The following PCDH15 variants were observed in gnomAD, a reference collection of about 807,000 sequenced individuals.
The protein encoded by PCDH15 is protocadherin related 15.
A neutral mutation model predicts 178.5 loss-of-function variants in PCDH15; 129 were observed. The observed-to-expected ratio is 0.72, with a 90% confidence interval of 0.63 to 0.84. PCDH15 has a LOEUF of 0.84. Ranked by LOEUF, PCDH15 falls within the 40% of genes least tolerant of loss-of-function variation. PCDH15 has a pLI of 0.00. For synonymous variants in PCDH15, 800 were observed against 732.0 expected (o/e 1.09, Z -1.50); for missense variants, 2,230 against 2,099.9 (o/e 1.06, Z -1.21).
intron 3 of PCDH15, among the ~76,000 whole-genome samples, chr10:54,389,848 A>G (rs1589167492): frequency 6.6e-6 from 1 of 151,940 alleles, no homozygotes; most frequent in Non-Finnish European, 1.5e-5. Context: ...GCTACTTGGG[A>G]GGCTAAGGGA....
chr10:54,116,597 A>C (rs2095117482), intron 15 of PCDH15, among the ~76,000 whole-genome samples: 2 of 152,192 alleles, frequency 1.3e-5, no homozygotes, highest in South Asian at 4.1e-4. Context: ...GAATCAGTAG[A>C]ATTCAATCAG....
intron 18 of PCDH15, among the ~76,000 whole-genome samples, chr10:54,058,955 A>C (rs2093958521): frequency 6.6e-6 from 1 of 152,046 alleles, no homozygotes; most frequent in Non-Finnish European, 1.5e-5. Flanking sequence ...CGGCCTCCCA[A>C]AATGCTGGGA....
intron 3 of PCDH15, among the ~76,000 whole-genome samples, chr10:54,526,371 G>A (rs1015099279): frequency 2.2e-4 from 34 of 152,060 alleles, no homozygotes; most frequent in African/African-American, 8.2e-4. Context: ...GATAAACCTT[G>A]CATTATGTTT....
At chr10:54,274,839 A>C (rs967312772) in intron 8 of PCDH15, among the ~76,000 whole-genome samples, 3 of 152,012 alleles carry the variant, frequency 2.0e-5, no homozygotes, top group African/African-American at 2.4e-5. Flanking sequence ...TTAGCAAATA[A>C]AGAATAAATT....
At chr10:54,318,162 T>C (rs1181651851) in intron 7 of PCDH15, among the ~76,000 whole-genome samples, 3 of 152,200 alleles carry the variant, frequency 2.0e-5, no homozygotes, top group Non-Finnish European at 4.4e-5. Context: ...CTCTTTGAAA[T>C]GTAATAGTCA....
intron 8 of PCDH15, among the ~76,000 whole-genome samples, chr10:54,253,896 G>C (rs1226698146): frequency 6.6e-6 from 1 of 151,900 alleles, no homozygotes; most frequent in Admixed American, 6.6e-5. Context: ...GGAAGAAAAA[G>C]AGATGTTAAT....
chr10:54,606,759 C>T (rs746487095), intron 2 of PCDH15: 2 of 152,034 alleles, frequency 1.3e-5, no homozygotes, highest in Non-Finnish European at 2.9e-5. Context: ...TCAAGCTACA[C>T]TTGTTTGGAA....
intron 3 of PCDH15, among the ~76,000 whole-genome samples, chr10:54,807,537 T>C (rs1017682000): frequency 1.3e-5 from 2 of 151,790 alleles, no homozygotes; most frequent in Non-Finnish European, 2.9e-5. Context: ...AACTTTTTTT[T>C]TCTCTTTAGT....
At chr10:54,718,049 G>A (rs1167069865) in intron 1 of PCDH15, among the ~76,000 whole-genome samples, 1 of 149,682 alleles carries the variant, frequency 6.7e-6, no homozygotes, top group Non-Finnish European at 1.5e-5. Flanking sequence ...CTCATAGATG[G>A]GAATTGAACA....
In PCDH15 at chr10:54,274,498, C is replaced by T. The variant is rs118166071; in HGVS notation, c.877-37567G>A. On this transcript the variant is annotated intron_variant, in intron 8 of 37. Coordinates refer to ENST00000644397, the MANE Select transcript of PCDH15 (RefSeq NM_001384140.1). Reference sequence around the variant, plus strand: ...AAGGACTGTTGTTTGTTTTGTGCTCCCTGATGTATTTTCAGAGCCTAGAAC... The same window carrying T: ...AAGGACTGTTGTTTGTTTTGTGCTCTCTGATGTATTTTCAGAGCCTAGAAC... Among the ~76,000 whole-genome samples the T allele has an allele frequency of 3.6e-3, 547 of 151,808 alleles. 12 individuals carry two copies. In the East Asian group the frequency reaches 0.037, roughly 10 times the overall value.
At chr10:54,782,373 G>A (rs759286289) in intron 1 of PCDH15, among the ~76,000 whole-genome samples, 4 of 152,134 alleles carry the variant, frequency 2.6e-5, no homozygotes, top group Non-Finnish European at 5.9e-5. Flanking sequence ...TAATGCCTAT[G>A]TAAGTGTTGT....
chr10:54,904,663 G>A (rs939793193), intron 2 of PCDH15, among the ~76,000 whole-genome samples: 2 of 151,920 alleles, frequency 1.3e-5, no homozygotes, highest in African/African-American at 4.8e-5. Flanking sequence ...ACATTTAGGT[G>A]CCTTGAGGAA....
At chr10:54,611,261 T>C (rs573462536) in intron 2 of PCDH15, among the ~76,000 whole-genome samples, 1 of 151,908 alleles carries the variant, frequency 6.6e-6, no homozygotes, top group Admixed American at 6.6e-5. Context: ...AAGATATGTA[T>C]CAGTAATATT....
intron 11 of PCDH15, among the ~76,000 whole-genome samples, chr10:54,194,740 C>CTATATATATA (rs60365134): frequency 1.3e-5 from 2 of 150,986 alleles, no homozygotes; most frequent in Admixed American, 6.6e-5. Flanking sequence ...ATCTATCTAT[C>CTATATATATA]TATATATATA....
chr10:55,254,065 C>T (rs1427488018), intron 1 of PCDH15, among the ~76,000 whole-genome samples: 7 of 152,084 alleles, frequency 4.6e-5, no homozygotes, highest in African/African-American at 1.7e-4. Flanking sequence ...TTGATTGTTA[C>T]TGGTAGAAGG....
At chr10:55,309,522 T>A (rs3998305) in intron 1 of PCDH15, among the ~76,000 whole-genome samples, 30,178 of 144,210 alleles carry the variant, frequency 0.21, 4,695 homozygotes, top group African/African-American at 0.45. Context: ...CCTTATCTTT[T>A]AAAAAAAAAA....
chr10:55,405,185 A>G (rs570016967), intron 2 of PCDH15, among the ~76,000 whole-genome samples: 2 of 151,290 alleles, frequency 1.3e-5, no homozygotes, highest in South Asian at 2.1e-4. Context: ...TATTTTCTAT[A>G]GAGCGATATA....
intron 2 of PCDH15, among the ~76,000 whole-genome samples, chr10:55,464,918 AAAC>A (rs1272922041): frequency 2.6e-4 from 38 of 146,826 alleles, no homozygotes; most frequent in African/African-American, 8.8e-4. Context: ...AAAAAAAAAG[AAAC>A]AAAACAAACA....
At chr10:55,617,651 C>T (rs576012881) in intron 2 of PCDH15, among the ~76,000 whole-genome samples, 1 of 152,118 alleles carries the variant, frequency 6.6e-6, no homozygotes, top group Non-Finnish European at 1.5e-5. Flanking sequence ...TCTACATTAT[C>T]TTAGAGTGAA....
Sources: allele counts gnomAD v4.1 joint callset (sites outside exome capture counted in the v4.1 genomes callset), GRCh38; gene constraint gnomAD v4.1.1; transcripts MANE v1.5; gene names NCBI Gene and HGNC (gene_info 2026-07-23, HGNC 2026-07-21).